Variants in BBOX1 observed in about 807,000 individuals in gnomAD.
BBOX1 encodes gamma-butyrobetaine hydroxylase 1.
A neutral mutation model predicts 41.6 loss-of-function variants in BBOX1; 35 were observed. That is an observed-to-expected ratio of 0.84 (90% CI 0.64 to 1.11). BBOX1 has a LOEUF of 1.11. Ranked by LOEUF, BBOX1 falls within the 50% of genes most tolerant of loss-of-function variation. The pLI is 0.00. For synonymous variants in BBOX1, 163 were observed against 154.7 expected (o/e 1.05, Z -0.40); for missense variants, 458 against 460.6 (o/e 0.99, Z 0.05).
rs1306649208 is a variant in BBOX1 at position 27,127,777 on chromosome 11, T to C, written c.*324T>C. ...AAATTTCTTCAAATAAGCCTTTTGTTTCAAATAAAACTTGTCTCAAAACAT... is the reference window on the plus strand; with the variant it reads ...AAATTTCTTCAAATAAGCCTTTTGTCTCAAATAAAACTTGTCTCAAAACAT... On this transcript the variant is annotated 3_prime_UTR_variant, in exon 9 of 9. Transcript: ENST00000263182. 2 of 225,982 alleles carry C rather than the reference T, an allele frequency of 8.9e-6. No homozygotes were observed. The highest frequency in any genetic ancestry group is 2.5e-4 in the East Asian group (2 of 8,008). The allele number at this position is 225,982 out of a possible 1,614,324, so 14.0% of individuals were successfully genotyped here. A position where few individuals can be genotyped will look rare whatever the true frequency, so the allele number is the denominator to read the frequency against.
At chr11:27,065,743 G>A (rs1032264751) in intron 4 of BBOX1, among the ~76,000 whole-genome samples, 3 of 152,032 alleles carry the variant, frequency 2.0e-5, no homozygotes, top group African/African-American at 7.2e-5. Flanking sequence ...ATGTATTGAT[G>A]TATTAAATAA....
At chr11:27,076,244 T>TA (rs1027313829) in intron 4 of BBOX1, among the ~76,000 whole-genome samples, 2 of 152,158 alleles carry the variant, frequency 1.3e-5, no homozygotes, top group Admixed American at 1.3e-4. Flanking sequence ...TAGCAGCAGA[T>TA]ACCAGCACTA....
intron 4 of BBOX1, among the ~76,000 whole-genome samples, chr11:27,080,284 C>T (rs1857791884): frequency 6.6e-6 from 1 of 152,044 alleles, no homozygotes. Context: ...TCCTCCTCTT[C>T]TATGTGCTCA....
At chr11:27,057,067 A>AAAAAAAAAAAAAAAAC in intron 3 of BBOX1, 134 bp from the exon 4 acceptor site, 1 of 262,356 alleles carries the variant, frequency 3.8e-6, no homozygotes, top group African/African-American at 2.4e-5. Flanking sequence ...TCCGACTTAA[A>AAAAAAAAAAAAAAAAC]AAAAAAAAAA....
chr11:27,111,559 G>A (rs1859063884), intron 5 of BBOX1, among the ~76,000 whole-genome samples: 1 of 151,812 alleles, frequency 6.6e-6, no homozygotes, highest in Non-Finnish European at 1.5e-5. Context: ...ATTCTGTTGT[G>A]TGTCATTTAG....
chr11:27,063,322 T>A (rs1414504907), intron 4 of BBOX1, among the ~76,000 whole-genome samples: 4 of 152,146 alleles, frequency 2.6e-5, no homozygotes, highest in Non-Finnish European at 5.9e-5. Flanking sequence ...TTTGGCATAA[T>A]TATATGCTCA....
intron 2 of BBOX1, among the ~76,000 whole-genome samples, chr11:27,052,003 C>T (rs867124623): frequency 2.0e-5 from 3 of 151,918 alleles, no homozygotes; most frequent in Admixed American, 1.3e-4. Flanking sequence ...TGATTTGTCT[C>T]AAGATATTTT....
chr11:27,077,819 T>C (rs1359604713), intron 4 of BBOX1, among the ~76,000 whole-genome samples: 3 of 152,082 alleles, frequency 2.0e-5, no homozygotes, highest in African/African-American at 7.2e-5. Context: ...ATATAGATTG[T>C]CTCTCTTGCC....
chr11:27,078,937 A>G (rs184396048), intron 4 of BBOX1, among the ~76,000 whole-genome samples: 484 of 152,284 alleles, frequency 3.2e-3, no homozygotes, highest in African/African-American at 0.011. Context: ...GTAAGTACTT[A>G]GCACAGTGTC....
chr11:27,116,841 T>C (rs1038010766), intron 6 of BBOX1, among the ~76,000 whole-genome samples: 2 of 151,952 alleles, frequency 1.3e-5, no homozygotes, highest in African/African-American at 2.4e-5. Context: ...AGACCGCTTA[T>C]GGAGGAAGCT....
chr11:27,056,903 T>G (rs912281457), intron 3 of BBOX1, among the ~76,000 whole-genome samples: 5 of 150,056 alleles, frequency 3.3e-5, no homozygotes, highest in Non-Finnish European at 7.4e-5. Context: ...CCGTCTCAAC[T>G]AAAATACAAA....
intron 4 of BBOX1, 69 bp from the exon 5 acceptor site, chr11:27,093,099 C>A: frequency 1.4e-6 from 2 of 1,446,468 alleles, no homozygotes; most frequent in Non-Finnish European, 9.6e-7. Context: ...CTAGCCCCTT[C>A]TCTGAGGTTA....
intron 5 of BBOX1, among the ~76,000 whole-genome samples, chr11:27,114,198 G>T (rs1417313172): frequency 6.6e-6 from 1 of 151,710 alleles, no homozygotes; most frequent in East Asian, 1.9e-4. Flanking sequence ...AATCACAGGG[G>T]TAAAAGACTT....
At chr11:27,068,416 G>T (rs113197341) in intron 4 of BBOX1, among the ~76,000 whole-genome samples, 48 of 151,858 alleles carry the variant, frequency 3.2e-4, no homozygotes, top group African/African-American at 1.2e-3. Context: ...GTTTTGATGG[G>T]GTTGTTTTTT....
intron 5 of BBOX1, among the ~76,000 whole-genome samples, chr11:27,099,804 G>C (rs770140006): frequency 1.3e-5 from 2 of 152,112 alleles, no homozygotes; most frequent in Non-Finnish European, 2.9e-5. Flanking sequence ...TTTAATACCT[G>C]CTATGTCCTT....
At chr11:27,043,416 C>CAGGTTTGGGGT (rs879430839) in intron 2 of BBOX1, among the ~76,000 whole-genome samples, 6,070 of 151,382 alleles carry the variant, frequency 0.04, 345 homozygotes, top group Middle Eastern at 0.1. Context: ...GCAGAATGTG[C>CAGGTTTGGGGT]ACGTTTGGGG....
chr11:27,073,300 T>A (rs962376587), intron 4 of BBOX1, among the ~76,000 whole-genome samples: 3 of 152,050 alleles, frequency 2.0e-5, no homozygotes, highest in African/African-American at 7.2e-5. Context: ...CAGCCAACAG[T>A]CACATGAAAA....
At chr11:27,075,758 C>T (rs1857611536) in intron 4 of BBOX1, among the ~76,000 whole-genome samples, 1 of 152,192 alleles carries the variant, frequency 6.6e-6, no homozygotes, top group South Asian at 2.1e-4. Context: ...GAGGGCACTC[C>T]TCTTGTGGGG....
intron 8 of BBOX1, 54 bp from the exon 9 acceptor site, chr11:27,127,239 C>T: frequency 6.4e-7 from 1 of 1,567,646 alleles, no homozygotes; most frequent in Non-Finnish European, 8.7e-7. Context: ...TTTTCTAGCT[C>T]TGTAAGTCAT....
Sources: gnomAD v4.1 joint callset for allele counts (sites outside exome capture counted in the v4.1 genomes callset) on GRCh38, gnomAD v4.1.1 for gene constraint, MANE v1.5 for transcripts, NCBI Gene and HGNC (gene_info 2026-07-23, HGNC 2026-07-21) for gene names.